Variants in ARHGAP39 observed in about 807,000 individuals in gnomAD.
ARHGAP39 encodes Rho GTPase activating protein 39.
Under a neutral mutation model 106.9 loss-of-function variants are expected in ARHGAP39, and 44 were observed. The observed-to-expected ratio is 0.41, with a 90% CI of 0.32 to 0.53. ARHGAP39 has a LOEUF of 0.53. ARHGAP39 is among the 20% of genes least tolerant of loss of function. ARHGAP39 has a pLI of 0.21. For synonymous variants in ARHGAP39, 768 were observed against 693.2 expected (o/e 1.11, Z -1.69); for missense variants, 1,496 against 1,577.3 (o/e 0.95, Z 0.87).
intron 2 of ARHGAP39, among the ~76,000 whole-genome samples, chr8:144,582,145 G>A (rs148338636): frequency 6.6e-6 from 1 of 152,218 alleles, no homozygotes; most frequent in Non-Finnish European, 1.5e-5. Flanking sequence ...AGAAGGGGAG[G>A]CAAGTGGTGA....
At chr8:144,599,420 T>C (rs1225848322) in intron 2 of ARHGAP39, among the ~76,000 whole-genome samples, 1 of 152,138 alleles carries the variant, frequency 6.6e-6, no homozygotes, top group Admixed American at 6.5e-5. Flanking sequence ...CATGATACCA[T>C]TAGTGTAAGA....
At chr8:144,546,924 C>A (rs1045673340) in intron 5 of ARHGAP39, among the ~76,000 whole-genome samples, 2 of 152,228 alleles carry the variant, frequency 1.3e-5, no homozygotes, top group Non-Finnish European at 2.9e-5. Flanking sequence ...GCAGCCCACA[C>A]CCCACGGGGC....
In ARHGAP39 at chr8:144,530,044, G is replaced by A. The variant is rs1290042201; in HGVS notation, c.*378C>T. 1 of 225,218 alleles carries A rather than the reference G, an allele frequency of 4.4e-6. No individual in the cohort carries two copies. The highest frequency in any genetic ancestry group is 8.7e-6 in the Non-Finnish European group (1 of 114,726). The allele number at this position is 225,218 out of a possible 1,614,324, so 14.0% of individuals were successfully genotyped here. The stretch of plus-strand genomic sequence containing the variant: ...GAGAAAGGGAAGGAGAGACCGGGGC[G>A]GCTGGGCAAGGCCCAGGCCAGGGCG... On this transcript the variant is annotated 3_prime_UTR_variant, in exon 12 of 12. Coordinates refer to ENST00000377307, the MANE Select transcript of ARHGAP39 (RefSeq NM_025251.3).
At chr8:144,676,881 G>A (rs779287082) in intron 1 of ARHGAP39, among the ~76,000 whole-genome samples, 7 of 152,246 alleles carry the variant, frequency 4.6e-5, no homozygotes, top group South Asian at 4.1e-4. Context: ...AGGAGGCGCC[G>A]AGAGCAAGCG....
chr8:144,593,410 G>A (rs1196392058), intron 2 of ARHGAP39, among the ~76,000 whole-genome samples: 1 of 152,128 alleles, frequency 6.6e-6, no homozygotes, highest in Non-Finnish European at 1.5e-5. Context: ...CCTACCTCAT[G>A]CCACACACAA....
Position 144,537,609 on chromosome 8 carries a change from G to T in ARHGAP39, c.2614+112C>A, listed in dbSNP as rs140034753. On this transcript the variant is annotated intron_variant, in intron 7 of 11. Coordinates refer to ENST00000377307, the MANE Select transcript of ARHGAP39 (RefSeq NM_025251.3). The stretch of plus-strand genomic sequence containing the variant: ...AGGAGGCCACAGGCCTGAGGTTAGT[G>T]GCCCCATCCCCCCCGCCCAGAAGCG... 8.2e-4 allele frequency: 758 copies of T among 926,900 alleles called. 12 individuals are homozygous for T. The East Asian group carries it at 0.014, about 17-fold the overall frequency. 57.4% of individuals were successfully genotyped at this position (926,900 alleles called of 1,614,324 possible).
At chr8:144,676,732 G>A (rs1822251904) in intron 1 of ARHGAP39, among the ~76,000 whole-genome samples, 1 of 152,224 alleles carries the variant, frequency 6.6e-6, no homozygotes, top group African/African-American at 2.4e-5. Context: ...CACAGCACCG[G>A]CTCCCGCCCA....
intron 3 of ARHGAP39, among the ~76,000 whole-genome samples, chr8:144,575,808 G>A (rs1187659279): frequency 6.6e-6 from 1 of 152,156 alleles, no homozygotes; most frequent in African/African-American, 2.4e-5. Context: ...CTCCTCTGTA[G>A]GACCGCAGTG....
upstream of ARHGAP39, among the ~76,000 whole-genome samples, chr8:144,686,198 T>C (rs1180623441): frequency 3.3e-5 from 5 of 152,134 alleles, no homozygotes; most frequent in Non-Finnish European, 4.4e-5. Flanking sequence ...GTCTGAGATT[T>C]CACTTTTCTT....
intron 1 of ARHGAP39, among the ~76,000 whole-genome samples, chr8:144,658,387 G>A (rs1821747962): frequency 6.6e-6 from 1 of 151,988 alleles, no homozygotes; most frequent in Non-Finnish European, 1.5e-5. Flanking sequence ...CAATTCTCCT[G>A]CCTCAGCCTC....
intron 3 of ARHGAP39, among the ~76,000 whole-genome samples, chr8:144,572,779 A>G (rs1336208669): frequency 6.6e-6 from 1 of 152,242 alleles, no homozygotes; most frequent in South Asian, 2.1e-4. Context: ...ACAAATTTAC[A>G]AGAAAAAAAC....
Position 144,605,074 on chromosome 8 carries a change from C to G in ARHGAP39, c.80+461G>C, listed in dbSNP as rs148138675. ...TTGAGCCCAGGAGTTTGAGACCAGC[C>G]CAAGCAACAGACCTCATCTTTACAA... On this transcript the variant is annotated intron_variant, in intron 2 of 11. Coordinates refer to ENST00000377307, the MANE Select transcript of ARHGAP39 (RefSeq NM_025251.3). Among the ~76,000 whole-genome samples the G allele has an allele frequency of 5.6e-4, 85 of 152,188 alleles. No homozygotes were observed. The East Asian group carries it at 0.011, about 19-fold the overall frequency.
chr8:144,584,635 CA>C (rs1819115282), intron 2 of ARHGAP39, among the ~76,000 whole-genome samples: 1 of 152,140 alleles, frequency 6.6e-6, no homozygotes, highest in South Asian at 2.1e-4. Context: ...TGGTGGCGTG[CA>C]CCTGTAATCT....
chr8:144,613,598 T>C (rs1820551147), intron 1 of ARHGAP39, among the ~76,000 whole-genome samples: 2 of 152,154 alleles, frequency 1.3e-5, no homozygotes, highest in South Asian at 4.1e-4. Context: ...TGTTCCTTCA[T>C]ACACAAAAGG....
chr8:144,607,214 C>T (rs1450796316), intron 1 of ARHGAP39, among the ~76,000 whole-genome samples: 5 of 129,960 alleles, frequency 3.8e-5, no homozygotes, highest in South Asian at 2.4e-4. Context: ...CCAGCCTGGG[C>T]GACAGAGCGA....
At chr8:144,601,296 G>A (rs114004871) in intron 2 of ARHGAP39, among the ~76,000 whole-genome samples, 5,180 of 147,002 alleles carry the variant, frequency 0.035, 261 homozygotes, top group African/African-American at 0.091. Flanking sequence ...GCATGCGTGC[G>A]TGCTCATGTA....
chr8:144,672,925 G>A (rs147514869), intron 1 of ARHGAP39, among the ~76,000 whole-genome samples: 217 of 152,232 alleles, frequency 1.4e-3, no homozygotes, highest in African/African-American at 3.2e-3. Flanking sequence ...GAAATTTGAC[G>A]CTGATCAGGG....
At chr8:144,675,245 T>C (rs2129741161) in intron 1 of ARHGAP39, among the ~76,000 whole-genome samples, 1 of 152,336 alleles carries the variant, frequency 6.6e-6, no homozygotes, top group South Asian at 2.1e-4. Context: ...CTTAGCATTT[T>C]TTTTTTGAGA....
intron 3 of ARHGAP39, among the ~76,000 whole-genome samples, chr8:144,565,703 A>G (rs1040297103): frequency 6.6e-6 from 1 of 152,004 alleles, no homozygotes; most frequent in Non-Finnish European, 1.5e-5. Flanking sequence ...ACAAAAGAAA[A>G]GAAAATGGAA....
Sources: allele counts gnomAD v4.1 joint callset (sites outside exome capture counted in the v4.1 genomes callset), GRCh38; gene constraint gnomAD v4.1.1; transcripts MANE v1.5; gene names NCBI Gene and HGNC (gene_info 2026-07-23, HGNC 2026-07-21).